The following KDM4C variants were observed in gnomAD, a reference collection of about 807,000 sequenced individuals.
KDM4C encodes lysine-specific demethylase 4C.
In KDM4C, 81 loss-of-function variants were observed where a neutral mutation model predicts 129.3. The ratio of observed to expected loss-of-function variants is 0.63; its 90% CI spans 0.52 to 0.75. The LOEUF (loss-of-function observed/expected upper bound fraction) is 0.75. KDM4C is among the 30% of genes least tolerant of loss of function. The pLI, the probability that KDM4C is intolerant of heterozygous loss-of-function variation, is 0.00. For missense variants in KDM4C, 1,457 were observed against 1,304.0 expected, an observed-to-expected ratio of 1.12 and a Z score of -1.81; for synonymous variants, 573 against 456.1, an observed-to-expected ratio of 1.26 and a Z score of -3.26.
intron 8 of KDM4C, among the ~76,000 whole-genome samples, chr9:6,909,180 G>A (rs1052359009): frequency 4.6e-5 from 7 of 152,244 alleles, no homozygotes; most frequent in African/African-American, 1.7e-4. Context: ...TCTATAATCA[G>A]CTACATATGG....
chr9:6,977,369 A>G (rs1051522117), intron 8 of KDM4C, among the ~76,000 whole-genome samples: 1 of 152,182 alleles, frequency 6.6e-6, no homozygotes, highest in Non-Finnish European at 1.5e-5. Context: ...CTAGAGTTTT[A>G]TTTTATGTAA....
rs1307242324 is a variant in KDM4C at position 6,983,127 on chromosome 9, C to T, written c.1116-1039C>T. Among the ~76,000 whole-genome samples, 3 of 152,212 alleles carry T rather than the reference C, an allele frequency of 2.0e-5. No individual in the cohort carries two copies. In the East Asian group the frequency reaches 5.8e-4, roughly 29 times the overall value. ...AGCAATGATGGTGATGATCATACTA[C>T]TGCAGTTACTGCCATCAGTAGCAGT... On this transcript the variant is annotated intron_variant, in intron 9 of 21. Coordinates refer to ENST00000381309, the MANE Select transcript of KDM4C (RefSeq NM_015061.6).
Position 6,890,049 on chromosome 9 carries a change from A to G in KDM4C, c.783+1986A>G, listed in dbSNP as rs142942046. ...GAAACACCAGTGACTTTGAGGGTTG[A>G]TTGGCAGTGGCACTTCCTCATATTT... On this transcript the variant is annotated intron_variant, in intron 7 of 21. Transcript: ENST00000381309. Among the ~76,000 whole-genome samples the G allele has an allele frequency of 6.7e-3, 1,023 of 152,274 alleles. 20 individuals are homozygous for G. The highest frequency in any genetic ancestry group is 0.024 in the African/African-American group (986 of 41,538).
At chr9:7,015,997 C>A in intron 15 of KDM4C, 68 bp downstream of exon 15, 1 of 1,163,750 alleles carries the variant, frequency 8.6e-7, no homozygotes, top group East Asian at 2.4e-5. Flanking sequence ...ACATTTAAGT[C>A]TAGGGAAAAG....
intron 19 of KDM4C, among the ~76,000 whole-genome samples, chr9:7,145,029 ACCTGG>A (rs1302288707): frequency 1.3e-5 from 2 of 152,130 alleles, no homozygotes; most frequent in African/African-American, 2.4e-5. Context: ...TTTGCGCATC[ACCTGG>A]CTGATTGAGT....
chr9:7,045,223 A>G (rs1277254889), intron 15 of KDM4C, among the ~76,000 whole-genome samples: 2 of 152,022 alleles, frequency 1.3e-5, no homozygotes, highest in Non-Finnish European at 2.9e-5. Context: ...GCTGCGCTGT[A>G]TTTGACTTTC....
chr9:6,927,275 G>A (rs768829798), intron 8 of KDM4C, among the ~76,000 whole-genome samples: 14 of 152,008 alleles, frequency 9.2e-5, no homozygotes, highest in Admixed American at 3.3e-4. Context: ...GATTACAGGC[G>A]CATGCCACCA....
intron 17 of KDM4C, among the ~76,000 whole-genome samples, chr9:7,089,853 T>A (rs892384866): frequency 2.2e-4 from 34 of 152,374 alleles, no homozygotes; most frequent in African/African-American, 8.2e-4. Flanking sequence ...TGGTGGGTGC[T>A]GCTTTGCTAG....
chr9:6,746,175 A>C (rs1817864825), intron 1 of KDM4C, among the ~76,000 whole-genome samples: 1 of 151,068 alleles, frequency 6.6e-6, no homozygotes, highest in Non-Finnish European at 1.5e-5. Context: ...TCCTGACCTC[A>C]AGTGATCTGC....
At chr9:6,801,421 T>A (rs916371455) in intron 2 of KDM4C, among the ~76,000 whole-genome samples, 1 of 151,486 alleles carries the variant, frequency 6.6e-6, no homozygotes, top group Admixed American at 6.6e-5. Flanking sequence ...TTTTTTTTAG[T>A]GGAGACGGGG....
At chr9:7,120,034 C>T (rs1413845899) in intron 18 of KDM4C, among the ~76,000 whole-genome samples, 1 of 152,114 alleles carries the variant, frequency 6.6e-6, no homozygotes, top group African/African-American at 2.4e-5. Context: ...TAATTAAATG[C>T]CACTTTTTTT....
intron 12 of KDM4C, among the ~76,000 whole-genome samples, chr9:6,997,559 A>G (rs914366097): frequency 6.6e-6 from 1 of 152,258 alleles, no homozygotes; most frequent in African/African-American, 2.4e-5. Flanking sequence ...CTGGCGATTC[A>G]TGCCTCTGGG....
chr9:6,951,546 G>T (rs372535931), intron 8 of KDM4C, among the ~76,000 whole-genome samples: 1 of 152,174 alleles, frequency 6.6e-6, no homozygotes, highest in Non-Finnish European at 1.5e-5. Context: ...AGTTAAGAGT[G>T]TGTATTTATG....
upstream of KDM4C, among the ~76,000 whole-genome samples, chr9:6,753,606 C>T (rs1024479993): frequency 2.0e-5 from 3 of 152,002 alleles, no homozygotes; most frequent in East Asian, 1.9e-4. Context: ...AGAAGTTTAT[C>T]GGCTCGCAGT....
At chr9:6,854,109 A>G (rs118089543) in intron 5 of KDM4C, among the ~76,000 whole-genome samples, 174 of 152,262 alleles carry the variant, frequency 1.1e-3, no homozygotes, top group Non-Finnish European at 2.1e-3. Context: ...TAGGAGTTTC[A>G]GTGATTAAAA....
At chr9:7,111,880 G>T (rs1307146479) in intron 18 of KDM4C, among the ~76,000 whole-genome samples, 1 of 152,132 alleles carries the variant, frequency 6.6e-6, no homozygotes, top group Non-Finnish European at 1.5e-5. Context: ...GCTAAACAAG[G>T]ATCTGTTTTT....
chr9:6,966,613 C>G (rs1831022962), intron 8 of KDM4C, among the ~76,000 whole-genome samples: 1 of 152,140 alleles, frequency 6.6e-6, no homozygotes, highest in Non-Finnish European at 1.5e-5. Flanking sequence ...GTATGTAGAT[C>G]TAGTTCTTGG....
chr9:6,910,087 A>C (rs898855806), intron 8 of KDM4C, among the ~76,000 whole-genome samples: 2 of 152,190 alleles, frequency 1.3e-5, no homozygotes, highest in Admixed American at 1.3e-4. Flanking sequence ...TATAAAATGT[A>C]CTTGAATATT....
In KDM4C at chr9:7,006,663, T is replaced by G. The variant is rs114907683; in HGVS notation, c.1787-5035T>G. 6.6e-3 allele frequency among the ~76,000 whole-genome samples: 1,008 copies of G among 152,228 alleles called. 9 individuals are homozygous for G. Among genetic ancestry groups the G allele is most frequent in the African/African-American group, 0.023 (957 of 41,532 alleles). On this transcript the variant is annotated intron_variant, in intron 12 of 21. Coordinates refer to ENST00000381309, the MANE Select transcript of KDM4C (RefSeq NM_015061.6). ...TGTGGTCAGTTTCTTAATACCCAGC[T>G]GGCACACATATAAATCACATATTTT...
Sources: allele counts gnomAD v4.1 joint callset (sites outside exome capture counted in the v4.1 genomes callset), GRCh38; gene constraint gnomAD v4.1.1; transcripts MANE v1.5; gene names NCBI Gene and HGNC (gene_info 2026-07-23, HGNC 2026-07-21).